KCNJ6: variants seen among roughly 807,000 people sequenced by gnomAD.
The protein encoded by KCNJ6 is G protein-activated inward rectifier potassium channel 2.
KCNJ6 carries 9 observed loss-of-function variants against 34.2 expected under a neutral mutation model. The ratio of observed to expected loss-of-function variants is 0.26; its 90% CI spans 0.16 to 0.46. The LOEUF is 0.46. Ranked by LOEUF, KCNJ6 falls within the 20% of genes least tolerant of loss-of-function variation. KCNJ6 has a pLI of 1.00. For missense variants in KCNJ6, 236 were observed against 531.3 expected, an observed-to-expected ratio of 0.44 and a Z score of 5.46; for synonymous variants, 196 against 207.1, an observed-to-expected ratio of 0.95 and a Z score of 0.46.
At chr21:37,881,659 G>A (rs1394214305) in intron 1 of KCNJ6, among the ~76,000 whole-genome samples, 1 of 152,172 alleles carries the variant, frequency 6.6e-6, no homozygotes, top group Non-Finnish European at 1.5e-5. Flanking sequence ...GGGATTACAA[G>A]TATGAGTCTC....
At chr21:37,829,364 G>A (rs2055414195) in intron 2 of KCNJ6, among the ~76,000 whole-genome samples, 1 of 152,194 alleles carries the variant, frequency 6.6e-6, no homozygotes, top group African/African-American at 2.4e-5. Context: ...TGGAGCAAAG[G>A]CAAGTGGGGG....
intron 3 of KCNJ6, among the ~76,000 whole-genome samples, chr21:37,666,574 G>A (rs2054514584): frequency 6.6e-6 from 1 of 152,182 alleles, no homozygotes; most frequent in Admixed American, 6.5e-5. Flanking sequence ...TGGGAAGTGA[G>A]GAGTGCCTCT....
intron 1 of KCNJ6, among the ~76,000 whole-genome samples, chr21:37,871,071 A>G (rs2055649560): frequency 6.6e-6 from 1 of 151,694 alleles, no homozygotes; most frequent in Non-Finnish European, 1.5e-5. Flanking sequence ...TCCTATTTTC[A>G]TTCCCTCCTC....
intron 3 of KCNJ6, among the ~76,000 whole-genome samples, chr21:37,630,815 T>G (rs2054330662): frequency 6.6e-6 from 1 of 152,300 alleles, no homozygotes; most frequent in Non-Finnish European, 1.5e-5. Flanking sequence ...TAGCAATTTT[T>G]GGGTATATAA....
chr21:37,762,502 C>T (rs1416369627), intron 2 of KCNJ6, among the ~76,000 whole-genome samples: 2 of 152,208 alleles, frequency 1.3e-5, no homozygotes, highest in Admixed American at 6.5e-5. Flanking sequence ...AGGTGCTGGC[C>T]ATGTGGAACT....
At chr21:37,657,118 A>T (rs180875872) in intron 3 of KCNJ6, among the ~76,000 whole-genome samples, 1 of 152,220 alleles carries the variant, frequency 6.6e-6, no homozygotes, top group East Asian at 1.9e-4. Context: ...CAAGGGGACC[A>T]GTCCACCCAG....
chr21:37,612,170 A>T lies in KCNJ6; in HGVS notation c.*12989T>A, dbSNP rs1031622786. On this transcript the variant is annotated 3_prime_UTR_variant, in exon 4 of 4. Transcript: ENST00000609713. ...TAAGGGATTATAGCAAGATTTTAGG[A>T]TTCAAAGTTAATATACAAAGTCAAT... 5 of 152,252 alleles carry T rather than the reference A, an allele frequency of 3.3e-5. No homozygotes were observed. 9.4% of individuals were successfully genotyped at this position (152,252 alleles called of 1,614,324 possible). A position where few individuals can be genotyped will look rare whatever the true frequency, so the allele number is the denominator to read the frequency against.
intron 2 of KCNJ6, among the ~76,000 whole-genome samples, chr21:37,768,382 G>A (rs371635961): frequency 3.9e-5 from 6 of 152,110 alleles, no homozygotes; most frequent in African/African-American, 1.4e-4. Flanking sequence ...AGCTCCTTCC[G>A]GAGTTGCTGC....
chr21:37,771,407 T>C (rs2055117197), intron 2 of KCNJ6, among the ~76,000 whole-genome samples: 1 of 152,204 alleles, frequency 6.6e-6, no homozygotes, highest in African/African-American at 2.4e-5. Context: ...TTTTGGTCTG[T>C]TCTTCCAGAT....
intron 3 of KCNJ6, among the ~76,000 whole-genome samples, chr21:37,666,368 G>A (rs574373758): frequency 3.3e-5 from 5 of 152,264 alleles, no homozygotes; most frequent in Admixed American, 6.5e-5. Context: ...AGGGGCTCCT[G>A]TGGGATGAGC....
In KCNJ6 at chr21:37,617,222, T is replaced by TCA. The variant is rs1275955706; in HGVS notation, c.*7936_*7937insTG. 1.0e-4 allele frequency: 15 copies of TCA among 147,570 alleles called. No individual in the cohort carries two copies. Among genetic ancestry groups the TCA allele is most frequent in the African/African-American group, 3.9e-4 (15 of 38,554 alleles). 9.1% of individuals were successfully genotyped at this position (147,570 alleles called of 1,614,324 possible). A position where few individuals can be genotyped will look rare whatever the true frequency, so the allele number is the denominator to read the frequency against. On this transcript the variant is annotated 3_prime_UTR_variant, in exon 4 of 4. Transcript: ENST00000609713. ...CTTCCTTCCTTCCTTCCTTCCTTCT[T>TCA]TTCTTTCTTTTTTTGAGACTGAGTC...
chr21:37,896,363 G>A (rs1456801679), intron 1 of KCNJ6, among the ~76,000 whole-genome samples: 1 of 152,170 alleles, frequency 6.6e-6, no homozygotes, highest in Non-Finnish European at 1.5e-5. Context: ...GCTAACTGCT[G>A]AGGCTTCTGA....
At chr21:37,686,746 C>T (rs558446175) in intron 3 of KCNJ6, among the ~76,000 whole-genome samples, 28 of 152,146 alleles carry the variant, frequency 1.8e-4, no homozygotes, top group Non-Finnish European at 3.5e-4. Flanking sequence ...GGATTACAGG[C>T]GTGAGCCACC....
At chr21:37,853,840 A>ATATGTG in intron 1 of KCNJ6, among the ~76,000 whole-genome samples, 1 of 106,470 alleles carries the variant, frequency 9.4e-6, no homozygotes, top group Non-Finnish European at 2.0e-5. Flanking sequence ...AGATACATAT[A>ATATGTG]TATATGTATA....
At chr21:37,649,059 G>A (rs1395600272) in intron 3 of KCNJ6, among the ~76,000 whole-genome samples, 6 of 144,404 alleles carry the variant, frequency 4.2e-5, no homozygotes, top group African/African-American at 1.3e-4. Context: ...CCTGAACTTC[G>A]AAGGTGGAGG....
intron 2 of KCNJ6, among the ~76,000 whole-genome samples, chr21:37,787,969 T>A (rs1355844709): frequency 6.6e-6 from 1 of 152,182 alleles, no homozygotes; most frequent in African/African-American, 2.4e-5. Context: ...TAGGAAGATA[T>A]CTTCTTTAAG....
chr21:37,734,389 C>T (rs181268452), intron 2 of KCNJ6, among the ~76,000 whole-genome samples: 1 of 152,248 alleles, frequency 6.6e-6, no homozygotes, highest in African/African-American at 2.4e-5. Context: ...AGAGCCCAGT[C>T]TAAGGGTTCT....
At chr21:37,896,513 G>T (rs1008172162) in intron 1 of KCNJ6, among the ~76,000 whole-genome samples, 1 of 152,174 alleles carries the variant, frequency 6.6e-6, no homozygotes, top group Non-Finnish European at 1.5e-5. Flanking sequence ...TGCTAGTGGT[G>T]CCTGGAACAT....
At chr21:37,896,312 G>A (rs904448126) in intron 1 of KCNJ6, among the ~76,000 whole-genome samples, 5 of 152,194 alleles carry the variant, frequency 3.3e-5, no homozygotes, top group Admixed American at 3.3e-4. Flanking sequence ...AACTCAACAT[G>A]AGATCTGGGC....
Sources: allele counts gnomAD v4.1 joint callset (sites outside exome capture counted in the v4.1 genomes callset), GRCh38; gene constraint gnomAD v4.1.1; transcripts MANE v1.5; gene names NCBI Gene and HGNC (gene_info 2026-07-23, HGNC 2026-07-21).